The following UBR3 variants were observed in gnomAD, a reference collection of about 807,000 sequenced individuals.
The protein encoded by UBR3 is ubiquitin protein ligase E3 component n-recognin 3, also known as E3 ubiquitin-protein ligase UBR3.
UBR3 carries 85 observed loss-of-function variants against 243.2 expected under a neutral mutation model. That is an observed-to-expected ratio of 0.35 (90% confidence interval 0.29 to 0.42). The LOEUF (loss-of-function observed/expected upper bound fraction) is 0.42. Ranked by LOEUF, UBR3 falls within the 10% of genes least tolerant of loss-of-function variation. The pLI, the probability that UBR3 is intolerant of heterozygous loss-of-function variation, is 1.00. For synonymous variants in UBR3, 748 were observed against 799.8 expected (o/e 0.94, Z 1.09); for missense variants, 1,686 against 2,300.8 (o/e 0.73, Z 5.47).
intron 1 of UBR3, among the ~76,000 whole-genome samples, chr2:169,840,813 C>T (rs2082265403): frequency 6.6e-6 from 1 of 152,166 alleles, no homozygotes; most frequent in Non-Finnish European, 1.5e-5. Flanking sequence ...AGGCTGCTTA[C>T]TGCTTGTTCC....
intron 2 of UBR3, among the ~76,000 whole-genome samples, chr2:169,874,855 G>C (rs763756412): frequency 7.2e-5 from 11 of 151,942 alleles, no homozygotes; most frequent in Non-Finnish European, 1.3e-4. Context: ...GTGTGGTTTT[G>C]TTCATTTGTT....
intron 24 of UBR3, among the ~76,000 whole-genome samples, chr2:169,981,366 T>A (rs2088722209): frequency 6.6e-6 from 1 of 152,092 alleles, no homozygotes; most frequent in South Asian, 2.1e-4. Context: ...GTACCCTTGA[T>A]ATGATGTGAT....
intron 11 of UBR3, among the ~76,000 whole-genome samples, chr2:169,916,780 T>A (rs1373201558): frequency 6.6e-6 from 1 of 151,970 alleles, no homozygotes; most frequent in Non-Finnish European, 1.5e-5. Context: ...AGATTGGCTC[T>A]GATGCTCTAC....
intron 1 of UBR3, among the ~76,000 whole-genome samples, chr2:169,839,706 C>T (rs959850216): frequency 2.6e-5 from 4 of 152,068 alleles, no homozygotes; most frequent in African/African-American, 9.7e-5. Context: ...GAGAGGCAAG[C>T]ACAGATGTGT....
At chr2:169,995,213 GT>G (rs1449438760) in intron 26 of UBR3, among the ~76,000 whole-genome samples, 1 of 152,104 alleles carries the variant, frequency 6.6e-6, no homozygotes, top group African/African-American at 2.4e-5. Context: ...ATTTGTTATT[GT>G]TTGTTTTTAA....
chr2:169,952,353 T>C (rs1393541242), intron 23 of UBR3, among the ~76,000 whole-genome samples: 1 of 152,126 alleles, frequency 6.6e-6, no homozygotes, highest in Non-Finnish European at 1.5e-5. Context: ...GCCATCCTAT[T>C]TGATTTGTTA....
chr2:169,923,785 G>T, intron 11 of UBR3, 144 bp from the exon 12 acceptor site: 1 of 729,202 alleles, frequency 1.4e-6, no homozygotes, highest in South Asian at 2.4e-5. Flanking sequence ...AGTGATTTTG[G>T]AATCTGCATC....
chr2:170,001,947 G>GAA (rs2089727921), intron 27 of UBR3, among the ~76,000 whole-genome samples: 4 of 100,760 alleles, frequency 4.0e-5, no homozygotes, highest in South Asian at 6.6e-4. Flanking sequence ...AAAAAAGAAA[G>GAA]AAAAATTTTT....
At chr2:170,004,171 A>G (rs1481929968) in intron 27 of UBR3, among the ~76,000 whole-genome samples, 1 of 152,200 alleles carries the variant, frequency 6.6e-6, no homozygotes, top group Non-Finnish European at 1.5e-5. Flanking sequence ...GAAAAGTAAG[A>G]AAAAATGTGG....
chr2:170,062,890 G>A (rs2091482029), intron 35 of UBR3, among the ~76,000 whole-genome samples: 2 of 152,134 alleles, frequency 1.3e-5, no homozygotes, highest in Non-Finnish European at 2.9e-5. Flanking sequence ...GACCAAGAAA[G>A]AAATACATTC....
rs542973866 is a variant in UBR3 at position 169,959,471 on chromosome 2, C to T, written c.3634+945C>T. Among the ~76,000 whole-genome samples the T allele has an allele frequency of 5.3e-5, 8 of 151,700 alleles. No homozygotes were observed. In the East Asian group the frequency reaches 9.8e-4, roughly 19 times the overall value. ...AGTGGAAAGTTTTTAACTTAAGATT[C>T]GTCTTTTGAGTTCCTTTTCTGGCAA... On this transcript the variant is annotated intron_variant, in intron 24 of 38. Coordinates refer to ENST00000272793, the MANE Select transcript of UBR3 (RefSeq NM_172070.4).
At chr2:169,895,858 C>T (rs922823842) in intron 7 of UBR3, among the ~76,000 whole-genome samples, 2 of 151,446 alleles carry the variant, frequency 1.3e-5, no homozygotes, top group African/African-American at 4.9e-5. Context: ...TGACGAAGCT[C>T]GGTGTATGAA....
chr2:170,061,312 C>G lies in UBR3; in HGVS notation c.4894-6C>G. 6.2e-7 allele frequency: 1 copy of G among 1,610,472 alleles called. No individual in the cohort carries two copies. Among genetic ancestry groups the G allele is most frequent in the Non-Finnish European group, 8.5e-7 (1 of 1,179,046 alleles). ...GACTTGTTCAAATTTTCTTTTTTAA[C>G]TTTAGGTTAACCCTATTGCTTGGTC... On this transcript the variant is annotated splice_region_variant and splice_polypyrimidine_tract_variant and intron_variant, in intron 34 of 38. Coordinates refer to ENST00000272793, the MANE Select transcript of UBR3 (RefSeq NM_172070.4).
At chr2:170,071,416 A>C (rs1028871603) in intron 35 of UBR3, among the ~76,000 whole-genome samples, 2 of 152,192 alleles carry the variant, frequency 1.3e-5, no homozygotes, top group Admixed American at 6.6e-5. Flanking sequence ...GTATGATTTT[A>C]ATAGTAGAAA....
intron 35 of UBR3, among the ~76,000 whole-genome samples, chr2:170,067,306 A>T (rs1473731098): frequency 2.0e-5 from 3 of 152,202 alleles, no homozygotes; most frequent in African/African-American, 7.2e-5. Context: ...CCCTCTCTCA[A>T]TAGAGCAAGA....
chr2:169,935,371 A>G (rs2086287333), intron 19 of UBR3, among the ~76,000 whole-genome samples: 2 of 152,048 alleles, frequency 1.3e-5, no homozygotes, highest in Admixed American at 1.3e-4. Context: ...TTCTTGCTAT[A>G]TTGCGCAGGC....
chr2:170,056,003 C>CT lies in UBR3; in HGVS notation c.4785+441dup, dbSNP rs34415442. Among the ~76,000 whole-genome samples the CT allele has an allele frequency of 7.0e-3, 623 of 88,876 alleles. 16 individuals are homozygous for CT. The highest frequency in any genetic ancestry group is 0.017 in the African/African-American group (428 of 25,346). The allele number at this position is 88,876 out of a possible 152,430, so 58.3% of individuals were successfully genotyped here. On this transcript the variant is annotated intron_variant, in intron 33 of 38. Transcript: ENST00000272793. ...AATTTAAAATCCTAGTCTTTTCTTT[C>CT]TTTTTTTTTTTTTTTTTTTTTTGTG...
chr2:169,932,939 C>G lies in UBR3; in HGVS notation c.2594C>G (p.Pro865Arg). 1 of 1,541,662 alleles carries G rather than the reference C, an allele frequency of 6.5e-7. No individual in the cohort carries two copies. The highest frequency in any genetic ancestry group is 8.7e-7 in the Non-Finnish European group (1 of 1,144,232). Residue 865 changes from proline to arginine, a missense_variant, in exon 19 of 39, where the codon CCC becomes CGC. Coordinates refer to ENST00000272793, the MANE Select transcript of UBR3 (RefSeq NM_172070.4). ...KAEVWDQEFD[P>R]VMVILRTVYR... ...GAAGTCTGGGATCAAGAGTTTGACCCCGTCATGGTCATTCTTCGAACAGTT... is the reference window on the plus strand; with the variant it reads ...GAAGTCTGGGATCAAGAGTTTGACCGCGTCATGGTCATTCTTCGAACAGTT...
intron 8 of UBR3, among the ~76,000 whole-genome samples, chr2:169,900,603 A>G (rs762636037): frequency 2.6e-5 from 4 of 152,180 alleles, no homozygotes; most frequent in Non-Finnish European, 4.4e-5. Context: ...TGAGAAAACA[A>G]AATTTAGAAG....
Sources: gnomAD v4.1 joint callset for allele counts (sites outside exome capture counted in the v4.1 genomes callset) on GRCh38, gnomAD v4.1.1 for gene constraint, MANE v1.5 for transcripts, NCBI Gene and HGNC (gene_info 2026-07-23, HGNC 2026-07-21) for gene names.